The following TBC1D1 variants were observed in gnomAD, a reference collection of about 807,000 sequenced individuals.
TBC1D1 encodes TBC1 domain family member 1, also known as TBC1 (tre-2/USP6, BUB2, cdc16) domain family, member 1.
A neutral mutation model predicts 125.6 loss-of-function variants in TBC1D1; 89 were observed. The observed-to-expected ratio is 0.71, with a 90% CI of 0.60 to 0.85. The LOEUF is 0.85. TBC1D1 is among the 40% of genes least tolerant of loss of function. TBC1D1 has a pLI of 0.00. For missense variants in TBC1D1, 1,377 were observed against 1,469.2 expected, an observed-to-expected ratio of 0.94 and a Z score of 1.03; for synonymous variants, 565 against 564.1, an observed-to-expected ratio of 1.00 and a Z score of -0.02.
At chr4:37,985,287 A>G (rs1735220231) in intron 2 of TBC1D1, among the ~76,000 whole-genome samples, 2 of 152,168 alleles carry the variant, frequency 1.3e-5, no homozygotes, top group African/African-American at 4.8e-5. Flanking sequence ...AATCTTAAGT[A>G]TCTGGTTTTT....
At chr4:37,942,706 T>C (rs2152307219) in intron 2 of TBC1D1, among the ~76,000 whole-genome samples, 1 of 151,948 alleles carries the variant, frequency 6.6e-6, no homozygotes, top group Non-Finnish European at 1.5e-5. Flanking sequence ...GCCTGGCTAA[T>C]TTTTTTTGTA....
intron 2 of TBC1D1, among the ~76,000 whole-genome samples, chr4:38,008,617 A>C (rs1485888967): frequency 6.6e-6 from 1 of 152,220 alleles, no homozygotes; most frequent in East Asian, 1.9e-4. Flanking sequence ...AACAGTCATT[A>C]GCACTTCACC....
intron 2 of TBC1D1, among the ~76,000 whole-genome samples, chr4:37,921,965 G>C (rs972910489): frequency 2.0e-5 from 3 of 151,896 alleles, no homozygotes; most frequent in African/African-American, 7.3e-5. Context: ...ATGAACTCCT[G>C]GCCTCAAGCT....
At chr4:38,084,241 T>A (rs1358477718) in intron 12 of TBC1D1, among the ~76,000 whole-genome samples, 1 of 152,206 alleles carries the variant, frequency 6.6e-6, no homozygotes, top group East Asian at 1.9e-4. Context: ...GCCATGAATG[T>A]TGTCTTTAAA....
At position 37,995,618 on chromosome 4, in the gene TBC1D1, A is replaced by T. The variant is rs1019784982; in HGVS notation, c.418-18891A>T. 5 of 491,244 alleles carry T rather than the reference A, an allele frequency of 1.0e-5. No homozygotes were observed. The highest frequency in any genetic ancestry group is 9.8e-5 in the African/African-American group (5 of 51,092). The allele number at this position is 491,244 out of a possible 1,614,324, so 30.4% of individuals were successfully genotyped here. On this transcript the variant is annotated intron_variant, in intron 2 of 19. Transcript: ENST00000261439. This position sits in a 1 kb window ranked among gnomAD's most constrained non-coding sequence, Gnocchi z 4.3. ...AGTACCCTGGCCTTGACCTCCCCAT[A>T]GGCTGTCTTATCTCACTTTTGCACC... is the stretch of plus-strand genomic sequence containing the variant.
At chr4:37,932,591 G>A (rs1417515577) in intron 2 of TBC1D1, among the ~76,000 whole-genome samples, 1 of 152,096 alleles carries the variant, frequency 6.6e-6, no homozygotes, top group Non-Finnish European at 1.5e-5. Flanking sequence ...TTTCAGAGCA[G>A]GAATGGCCCT....
chr4:38,095,275 A>G (rs1046943913), intron 13 of TBC1D1, among the ~76,000 whole-genome samples: 3 of 152,196 alleles, frequency 2.0e-5, no homozygotes, highest in African/African-American at 7.2e-5. Context: ...CCAGGAATCA[A>G]TGTAAATTGT....
intron 1 of TBC1D1, among the ~76,000 whole-genome samples, chr4:37,897,329 C>T (rs1224665175): frequency 1.3e-5 from 2 of 152,148 alleles, no homozygotes; most frequent in Non-Finnish European, 2.9e-5. Context: ...TTTTTATTGA[C>T]AAGTAATGTA....
chr4:37,987,292 CTT>C (rs1025328787), intron 2 of TBC1D1, among the ~76,000 whole-genome samples: 1 of 145,464 alleles, frequency 6.9e-6, no homozygotes, highest in East Asian at 2.0e-4. Flanking sequence ...CCTCCTTCCA[CTT>C]TTTTTTTTTT....
intron 2 of TBC1D1, among the ~76,000 whole-genome samples, chr4:37,959,323 A>G (rs1431159520): frequency 6.6e-6 from 1 of 152,232 alleles, no homozygotes; most frequent in Non-Finnish European, 1.5e-5. Context: ...TCTCACAATA[A>G]AGTAAGCTGA....
intron 2 of TBC1D1, among the ~76,000 whole-genome samples, chr4:37,903,023 T>G (rs1716422315): frequency 6.6e-6 from 1 of 152,248 alleles, no homozygotes; most frequent in African/African-American, 2.4e-5. Context: ...ATATAGTCAT[T>G]CGTAAACTGT....
At chr4:38,059,160 C>G (rs1264919335) in intron 12 of TBC1D1, among the ~76,000 whole-genome samples, 2 of 152,180 alleles carry the variant, frequency 1.3e-5, no homozygotes, top group Admixed American at 1.3e-4. Flanking sequence ...TAGAAATTTG[C>G]TTGCATATGT....
At chr4:37,899,275 A>T (rs1293360054) in intron 1 of TBC1D1, among the ~76,000 whole-genome samples, 1 of 152,136 alleles carries the variant, frequency 6.6e-6, no homozygotes, top group East Asian at 1.9e-4. Context: ...GAGGGAAAAG[A>T]AATTCTGGGA....
intron 2 of TBC1D1, among the ~76,000 whole-genome samples, chr4:37,929,488 A>G (rs1377343239): frequency 2.0e-5 from 3 of 152,178 alleles, no homozygotes; most frequent in Non-Finnish European, 4.4e-5. Context: ...TGGCACCTAT[A>G]TTGTTAACCC....
chr4:38,038,147 A>G (rs374982848), intron 8 of TBC1D1, among the ~76,000 whole-genome samples: 94 of 152,312 alleles, frequency 6.2e-4, no homozygotes, highest in African/African-American at 1.8e-3. Context: ...ACTAGTGAGT[A>G]GTGGAGCCAC....
At chr4:37,979,655 T>TA (rs1277991030) in intron 2 of TBC1D1, among the ~76,000 whole-genome samples, 3 of 152,236 alleles carry the variant, frequency 2.0e-5, no homozygotes, top group Non-Finnish European at 4.4e-5. Flanking sequence ...CACATCCAGT[T>TA]ACGCAGCTGA....
chr4:38,110,227 G>A, intron 15 of TBC1D1: 1 of 985,402 alleles, frequency 1.0e-6, no homozygotes, highest in Non-Finnish European at 1.2e-6. Flanking sequence ...GAGATGGGAT[G>A]GGGTTTCTCA....
intron 15 of TBC1D1, among the ~76,000 whole-genome samples, chr4:38,109,527 G>T (rs1269016579): frequency 6.6e-6 from 1 of 152,134 alleles, no homozygotes; most frequent in African/African-American, 2.4e-5. Context: ...GGTGTTCAGT[G>T]TTTGCAGATT....
intron 2 of TBC1D1, among the ~76,000 whole-genome samples, chr4:37,918,583 G>A (rs1022737872): frequency 6.6e-6 from 1 of 152,040 alleles, no homozygotes; most frequent in African/African-American, 2.4e-5. Context: ...GAGTAGCTGG[G>A]ATTACAGATG....
Sources: allele counts gnomAD v4.1 joint callset (sites outside exome capture counted in the v4.1 genomes callset), GRCh38; gene constraint gnomAD v4.1.1; non-coding constraint Gnocchi (gnomAD v3.1); transcripts MANE v1.5; gene names NCBI Gene and HGNC (gene_info 2026-07-23, HGNC 2026-07-21).